SEPTIN9: variants seen among roughly 807,000 people sequenced by gnomAD.
The protein encoded by SEPTIN9 is septin-9.
In SEPTIN9, 13 loss-of-function variants were observed where a neutral mutation model predicts 56.6. The ratio of observed to expected loss-of-function variants is 0.23; its 90% CI spans 0.15 to 0.37. SEPTIN9 has a LOEUF of 0.37. Among genes scored for constraint, SEPTIN9 ranks in the 10% least tolerant of loss-of-function variants. The pLI, the probability that SEPTIN9 is intolerant of heterozygous loss-of-function variation, is 1.00. For synonymous variants in SEPTIN9, 332 were observed against 334.1 expected (o/e 0.99, Z 0.07); for missense variants, 650 against 823.1 (o/e 0.79, Z 2.57).
chr17:77,486,923 A>G (rs1462775745), intron 4 of SEPTIN9, among the ~76,000 whole-genome samples: 2 of 152,202 alleles, frequency 1.3e-5, no homozygotes, highest in Non-Finnish European at 2.9e-5. Flanking sequence ...GGAAACTGAG[A>G]CACGGTGAGG....
At chr17:77,316,084 G>A (rs1039159398) in intron 2 of SEPTIN9, among the ~76,000 whole-genome samples, 2 of 152,210 alleles carry the variant, frequency 1.3e-5, no homozygotes, top group East Asian at 1.9e-4. Context: ...TACTCAGTGC[G>A]TTTAGTATGC....
chr17:77,292,999 T>TTTAA (rs1360286835), intron 1 of SEPTIN9, among the ~76,000 whole-genome samples: 1 of 148,796 alleles, frequency 6.7e-6, no homozygotes, highest in Non-Finnish European at 1.5e-5. Flanking sequence ...CATTTATTTA[T>TTTAA]TTATTTATTT....
intron 3 of SEPTIN9, among the ~76,000 whole-genome samples, chr17:77,424,657 C>A (rs1246801161): frequency 6.6e-6 from 1 of 152,196 alleles, no homozygotes; most frequent in Non-Finnish European, 1.5e-5. Flanking sequence ...CACAGAGAAG[C>A]TCTTTGCTGT....
chr17:77,407,556 G>A (rs2036134860), intron 3 of SEPTIN9, among the ~76,000 whole-genome samples: 1 of 152,090 alleles, frequency 6.6e-6, no homozygotes, highest in South Asian at 2.1e-4. Context: ...TGGCTTCAGT[G>A]TGGGGGTTCT....
At chr17:77,353,705 C>A (rs2034131723) in intron 2 of SEPTIN9, among the ~76,000 whole-genome samples, 1 of 152,196 alleles carries the variant, frequency 6.6e-6, no homozygotes, top group African/African-American at 2.4e-5. Context: ...AGGCTCCATT[C>A]TTTTTGGTTG....
At chr17:77,455,659 C>T (rs755273843) in intron 3 of SEPTIN9, among the ~76,000 whole-genome samples, 2 of 152,342 alleles carry the variant, frequency 1.3e-5, no homozygotes, top group East Asian at 1.9e-4. Flanking sequence ...CCCCAGCGGG[C>T]GGGGTTGATG....
Position 77,498,677 on chromosome 17 carries a change from C to CCGGGGGG in SEPTIN9, c.*23_*24insGGGCGGG. On this transcript the variant is annotated 3_prime_UTR_variant, in exon 12 of 12. Transcript: ENST00000427177. ...GATGTAGACGCCACCCTGCCCACCC[C>CCGGGGGG]CGGGATCCTGCCCCCAAGTCATTTC... 1 of 1,521,658 alleles carries CCGGGGGG rather than the reference C, an allele frequency of 6.6e-7. No individual in the cohort carries two copies. Among genetic ancestry groups the CCGGGGGG allele is most frequent in the Non-Finnish European group, 8.8e-7 (1 of 1,130,306 alleles). The allele number at this position is 1,521,658 out of a possible 1,614,324, so 94.3% of individuals were successfully genotyped here.
chr17:77,353,700 C>G (rs1408769608), intron 2 of SEPTIN9, among the ~76,000 whole-genome samples: 1 of 152,162 alleles, frequency 6.6e-6, no homozygotes, highest in Non-Finnish European at 1.5e-5. Flanking sequence ...AGAGCAGGCT[C>G]CATTCTTTTT....
rs1261680585 is a variant in SEPTIN9 at position 77,436,715 on chromosome 17, A to G, written c.721+34012A>G. 6.6e-6 allele frequency among the ~76,000 whole-genome samples: 1 copy of G among 152,218 alleles called. No individual in the cohort carries two copies. The highest frequency in any genetic ancestry group is 1.5e-5 in the Non-Finnish European group (1 of 68,036). The stretch of plus-strand genomic sequence containing the variant: ...TAGGGGCTGCGGCGGAGGTGGGCAA[A>G]AGCCGCTTCCGGGCAGCCAGCCCCC... On this transcript the variant is annotated intron_variant, in intron 3 of 11. Transcript: ENST00000427177. This position sits in a 1 kb window ranked among gnomAD's most constrained non-coding sequence, Gnocchi z 4.4.
At chr17:77,490,177 C>T (rs1439522088) in intron 7 of SEPTIN9, among the ~76,000 whole-genome samples, 1 of 152,222 alleles carries the variant, frequency 6.6e-6, no homozygotes, top group Non-Finnish European at 1.5e-5. Flanking sequence ...TTTATTCTCA[C>T]TGTGGGAAAA....
chr17:77,384,482 G>T (rs426207), intron 2 of SEPTIN9, among the ~76,000 whole-genome samples: 39,122 of 151,374 alleles, frequency 0.26, 5,473 homozygotes, highest in East Asian at 0.49. Flanking sequence ...GCCTCCGAAT[G>T]GAGGCTTTCC....
chr17:77,451,611 G>A lies in SEPTIN9; in HGVS notation c.722-30533G>A. 1 of 943,774 alleles carries A rather than the reference G, an allele frequency of 1.1e-6. No homozygotes were observed. Among genetic ancestry groups the A allele is most frequent in the Non-Finnish European group, 1.3e-6 (1 of 792,012 alleles). 58.5% of individuals were successfully genotyped at this position (943,774 alleles called of 1,614,324 possible). On this transcript the variant is annotated intron_variant, in intron 3 of 11. Coordinates refer to ENST00000427177, the MANE Select transcript of SEPTIN9 (RefSeq NM_001113491.2). The surrounding 1 kb of genome is among the most constrained non-coding windows in gnomAD (Gnocchi z 4.2). ...GTGGCGCGGCCGCGAGGCGGACCCT[G>A]ATGGCCATGGTGGCGGTGCCGGGAG...
At position 77,369,059 on chromosome 17, in the gene SEPTIN9, C is replaced by T. The variant is rs561788884; in HGVS notation, c.77-33000C>T. On this transcript the variant is annotated intron_variant, in intron 2 of 11. Coordinates refer to ENST00000427177, the MANE Select transcript of SEPTIN9 (RefSeq NM_001113491.2). This position sits in a 1 kb window ranked among gnomAD's most constrained non-coding sequence, Gnocchi z 4.9. ...AACCAGCCTGGCCAGCAGGGTGAATCCTCATCTCTAGTAAAAATACAAAAA... is the reference window on the plus strand; with the variant it reads ...AACCAGCCTGGCCAGCAGGGTGAATTCTCATCTCTAGTAAAAATACAAAAA... Among the ~76,000 whole-genome samples, 1 of 152,202 alleles carries T rather than the reference C, an allele frequency of 6.6e-6. No individual in the cohort carries two copies. The highest frequency in any genetic ancestry group is 6.5e-5 in the Admixed American group (1 of 15,282).
At chr17:77,408,411 C>T (rs2036167381) in intron 3 of SEPTIN9, among the ~76,000 whole-genome samples, 2 of 152,212 alleles carry the variant, frequency 1.3e-5, no homozygotes, top group Middle Eastern at 3.4e-3. Context: ...AAATCTTTGT[C>T]ATGTGGGTGG....
chr17:77,441,676 C>G (rs2037552857), intron 3 of SEPTIN9, among the ~76,000 whole-genome samples: 1 of 152,170 alleles, frequency 6.6e-6, no homozygotes, highest in Non-Finnish European at 1.5e-5. Context: ...CTTTTTACAC[C>G]CCAGTGAAGC....
At chr17:77,293,277 C>T (rs1279777992) in intron 1 of SEPTIN9, among the ~76,000 whole-genome samples, 1 of 152,184 alleles carries the variant, frequency 6.6e-6, no homozygotes, top group Non-Finnish European at 1.5e-5. Flanking sequence ...CCTCAGCCTC[C>T]CAAAGTACTG....
chr17:77,420,857 C>T (rs1486785802), intron 3 of SEPTIN9, among the ~76,000 whole-genome samples: 1 of 152,230 alleles, frequency 6.6e-6, no homozygotes, highest in Non-Finnish European at 1.5e-5. Flanking sequence ...GTCCTAACCA[C>T]ATCACTCTCA....
Position 77,389,853 on chromosome 17 carries a change from G to C in SEPTIN9, c.77-12206G>C, listed in dbSNP as rs2035470809. ...CCAGCAGCTGGTTTAGAACCCGGGG[G>C]TGGGGGGAGCGCTAGACCAGTGCAG... On this transcript the variant is annotated intron_variant, in intron 2 of 11. Coordinates refer to ENST00000427177, the MANE Select transcript of SEPTIN9 (RefSeq NM_001113491.2). This position sits in a 1 kb window ranked among gnomAD's most constrained non-coding sequence, Gnocchi z 4.3. 6.6e-6 allele frequency among the ~76,000 whole-genome samples: 1 copy of C among 152,250 alleles called. No homozygotes were observed. The highest frequency in any genetic ancestry group is 2.4e-5 in the African/African-American group (1 of 41,468).
At chr17:77,373,432 C>T in intron 2 of SEPTIN9, 4 of 1,460,464 alleles carry the variant, frequency 2.7e-6, no homozygotes, top group Non-Finnish European at 3.6e-6. Context: ...GCGCGCAGGG[C>T]CCGGGCCCCG....
Sources: allele counts gnomAD v4.1 joint callset (sites outside exome capture counted in the v4.1 genomes callset), GRCh38; gene constraint gnomAD v4.1.1; non-coding constraint Gnocchi (gnomAD v3.1); transcripts MANE v1.5; gene names NCBI Gene and HGNC (gene_info 2026-07-23, HGNC 2026-07-21).